KIF23: variants seen among roughly 807,000 people sequenced by gnomAD.
KIF23 encodes kinesin-like protein KIF23.
In KIF23, 30 loss-of-function variants were observed where a neutral mutation model predicts 137.5. That is an observed-to-expected ratio of 0.22 (90% confidence interval 0.16 to 0.30). The LOEUF is 0.30. Among genes scored for constraint, KIF23 ranks in the 10% least tolerant of loss-of-function variants. The pLI, the probability that KIF23 is intolerant of heterozygous loss-of-function variation, is 1.00. For synonymous variants in KIF23, 367 were observed against 391.1 expected (o/e 0.94, Z 0.73); for missense variants, 920 against 1,194.3 (o/e 0.77, Z 3.38).
intron 11 of KIF23, among the ~76,000 whole-genome samples, chr15:69,430,823 C>A (rs2057339093): frequency 6.6e-6 from 1 of 152,148 alleles, no homozygotes; most frequent in Non-Finnish European, 1.5e-5. Context: ...AGTATCCACA[C>A]ACTAGATAGG....
chr15:69,415,825 C>G (rs1375997621), intron 1 of KIF23, among the ~76,000 whole-genome samples, 169 bp from the exon 2 acceptor site: 2 of 152,156 alleles, frequency 1.3e-5, no homozygotes, highest in Non-Finnish European at 2.9e-5. Context: ...ACGCATGCCA[C>G]AAACACTCTG....
At position 69,433,925 on chromosome 15, in the gene KIF23, G is replaced by A. The variant is rs140364448; in HGVS notation, c.1115-1558G>A. On this transcript the variant is annotated intron_variant, in intron 11 of 23. Transcript: ENST00000679126. ...TTAAATTAATTGATTATGTACAGCAGTGTTTTTCCACATTTCCCTGATAAG... is the reference window on the plus strand; with the variant it reads ...TTAAATTAATTGATTATGTACAGCAATGTTTTTCCACATTTCCCTGATAAG... Among the ~76,000 whole-genome samples the A allele has an allele frequency of 2.0e-5, 3 of 152,244 alleles. No homozygotes were observed. In the East Asian group the frequency reaches 5.8e-4, roughly 29 times the overall value.
rs1334991535 is a variant in KIF23 at position 69,444,801 on chromosome 15, A to G, written c.2433A>G (p.Gln811=). ...EEDHCGRLLF[Q]PDQNAPPIRL... ...TGCTTGTTTCTCAGTTACTCTTTCA[A>G]CCTGATCAGAACGCACCACCAATTC... The change falls in exon 20 of 24, where the codon CAA becomes CAG. Residue 811 remains glutamine (Q), a synonymous_variant. Transcript: ENST00000679126. This position sits in a 1 kb window ranked among gnomAD's most constrained non-coding sequence, Gnocchi z 4.2. 5 of 1,614,114 alleles carry G rather than the reference A, an allele frequency of 3.1e-6. No homozygotes were observed. Among genetic ancestry groups the G allele is most frequent in the South Asian group, 2.2e-5 (2 of 91,074 alleles).
chr15:69,415,666 T>G (rs2056884014), intron 1 of KIF23, among the ~76,000 whole-genome samples: 1 of 152,362 alleles, frequency 6.6e-6, no homozygotes, highest in Non-Finnish European at 1.5e-5. Flanking sequence ...GTCTGTAAAG[T>G]GTGGGCAGTT....
intron 15 of KIF23, among the ~76,000 whole-genome samples, chr15:69,437,652 G>T (rs777235602): frequency 2.8e-4 from 42 of 151,870 alleles, no homozygotes; most frequent in Non-Finnish European, 4.9e-4. Flanking sequence ...GTAGAGACGG[G>T]GTTTCACCAT....
chr15:69,417,323 A>C (rs1298170167), intron 2 of KIF23, 60 bp from the exon 3 acceptor site: 30 of 1,446,680 alleles, frequency 2.1e-5, no homozygotes, highest in Non-Finnish European at 2.8e-5. Context: ...TGAGAAGCTT[A>C]AGTGAAAAAT....
chr15:69,425,270 T>C lies in KIF23; in HGVS notation c.735-12T>C, dbSNP rs1215219432. 1 of 1,535,258 alleles carries C rather than the reference T, an allele frequency of 6.5e-7. No homozygotes were observed. The highest frequency in any genetic ancestry group is 8.7e-7 in the Non-Finnish European group (1 of 1,146,274). On this transcript the variant is annotated splice_polypyrimidine_tract_variant and intron_variant, in intron 7 of 23. Transcript: ENST00000679126. Reference sequence around the variant, plus strand: ...TGTAGAAACAGTAACTTCTACCTTATTCCTTTGGTAGGTGGAACAGTTGCA... The same window carrying C: ...TGTAGAAACAGTAACTTCTACCTTACTCCTTTGGTAGGTGGAACAGTTGCA...
At chr15:69,440,119 T>C in intron 17 of KIF23, 42 bp downstream of exon 17, 1 of 1,592,322 alleles carries the variant, frequency 6.3e-7, no homozygotes, top group Non-Finnish European at 8.6e-7. Flanking sequence ...AGTCGGATGA[T>C]TTATTTTACA....
At chr15:69,414,733 C>G (rs372370762) in intron 1 of KIF23, 1 of 389,196 alleles carries the variant, frequency 2.6e-6, no homozygotes, top group East Asian at 3.8e-5. Context: ...AAGGGTCGGC[C>G]CGGAGCCGGG....
chr15:69,418,214 CT>C (rs936456756), intron 3 of KIF23, among the ~76,000 whole-genome samples: 7 of 152,190 alleles, frequency 4.6e-5, no homozygotes, highest in Admixed American at 4.6e-4. Flanking sequence ...CCAGTGGCCT[CT>C]TTGCTGCTAA....
At chr15:69,421,927 A>G in intron 4 of KIF23, 65 bp from the exon 5 acceptor site, 1 of 1,568,526 alleles carries the variant, frequency 6.4e-7, no homozygotes, top group Non-Finnish European at 8.7e-7. Flanking sequence ...TTTCTAATGC[A>G]GTGAAGAAAT....
In KIF23 at chr15:69,425,946, A is replaced by C. The variant is rs187147335; in HGVS notation, c.777-124A>C. On this transcript the variant is annotated intron_variant, in intron 8 of 23. Transcript: ENST00000679126. ...TATTATACGTTATATATATATTATAAAATATATATAATTTTCATTAGAAGA... is the reference window on the plus strand; with the variant it reads ...TATTATACGTTATATATATATTATACAATATATATAATTTTCATTAGAAGA... 63 of 220,616 alleles carry C rather than the reference A, an allele frequency of 2.9e-4. 1 individual carries two copies. The Admixed American group carries it at 2.9e-3, about 10-fold the overall frequency. 13.7% of individuals were successfully genotyped at this position (220,616 alleles called of 1,614,324 possible). A position where few individuals can be genotyped will look rare whatever the true frequency, so the allele number is the denominator to read the frequency against.
chr15:69,446,981 T>G, intron 23 of KIF23, 40 bp downstream of exon 23: 3 of 1,506,536 alleles, frequency 2.0e-6, no homozygotes, highest in Non-Finnish European at 2.8e-6. Context: ...TGTGTGCTTT[T>G]TTCCTCCTCT....
chr15:69,439,804 T>C (rs2057570344), intron 16 of KIF23, 100 bp from the exon 17 acceptor site: 2 of 841,908 alleles, frequency 2.4e-6, no homozygotes. Context: ...GATGTTTCTT[T>C]CCACAAATAT....
In KIF23 at chr15:69,423,087, C is replaced by T. The variant is rs565509943; in HGVS notation, c.564-72C>T. ...GTGCTGGGATTATAGCTGTGAGCCACCATGCCCGGCTGGGATCATTTACTT... is the reference window on the plus strand; with the variant it reads ...GTGCTGGGATTATAGCTGTGAGCCATCATGCCCGGCTGGGATCATTTACTT... On this transcript the variant is annotated intron_variant, in intron 6 of 23. Transcript: ENST00000679126. The T allele has an allele frequency of 1.2e-5, 12 of 1,022,144 alleles. No individual in the cohort carries two copies. The African/African-American group carries it at 1.7e-4, about 14-fold the overall frequency. The allele number at this position is 1,022,144 out of a possible 1,614,324, so 63.3% of individuals were successfully genotyped here. A position where few individuals can be genotyped will look rare whatever the true frequency, so the allele number is the denominator to read the frequency against.
chr15:69,430,479 G>C (rs973192142), intron 11 of KIF23, among the ~76,000 whole-genome samples: 1 of 152,208 alleles, frequency 6.6e-6, no homozygotes, highest in Non-Finnish European at 1.5e-5. Flanking sequence ...AGATAAACTA[G>C]ATTGTTTGAG....
chr15:69,426,227 A>G (rs1367781053), intron 9 of KIF23, 45 bp downstream of exon 9: 1 of 1,589,656 alleles, frequency 6.3e-7, no homozygotes, highest in South Asian at 1.1e-5. Flanking sequence ...GATGAATATC[A>G]CCTAGAGTTG....
chr15:69,423,064 G>T (rs1212963381), intron 6 of KIF23, 95 bp from the exon 7 acceptor site: 7 of 820,810 alleles, frequency 8.5e-6, no homozygotes, highest in Middle Eastern at 7.1e-4. Context: ...CTCCCAAAGT[G>T]CTGGGATTAT....
At chr15:69,441,458 G>A (rs561861331) in intron 19 of KIF23, among the ~76,000 whole-genome samples, 56 of 152,038 alleles carry the variant, frequency 3.7e-4, no homozygotes, top group Non-Finnish European at 6.0e-4. Context: ...CTCCTTTCAT[G>A]CCCTAGTTTT....
Sources: gnomAD v4.1 joint callset for allele counts (sites outside exome capture counted in the v4.1 genomes callset) on GRCh38, gnomAD v4.1.1 for gene constraint, Gnocchi (gnomAD v3.1) non-coding constraint, MANE v1.5 for transcripts, NCBI Gene and HGNC (gene_info 2026-07-23, HGNC 2026-07-21) for gene names.